Variants in JARID2 observed in about 807,000 individuals in gnomAD.
The protein encoded by JARID2 is protein Jumonji.
In JARID2, 21 loss-of-function variants were observed where a neutral mutation model predicts 125.6. The ratio of observed to expected loss-of-function variants is 0.17; its 90% CI spans 0.12 to 0.24. The LOEUF (loss-of-function observed/expected upper bound fraction) is 0.24. Among genes scored for constraint, JARID2 ranks in the 10% least tolerant of loss-of-function variants. JARID2 has a pLI of 1.00. For synonymous variants in JARID2, 736 were observed against 661.6 expected, an observed-to-expected ratio of 1.11 and a Z score of -1.73; for missense variants, 1,303 against 1,639.6, an observed-to-expected ratio of 0.79 and a Z score of 3.55.
chr6:15,327,114 G>T (rs192121216), intron 1 of JARID2, among the ~76,000 whole-genome samples: 26 of 152,256 alleles, frequency 1.7e-4, no homozygotes, highest in East Asian at 1.4e-3. Context: ...TTTGCTTTGG[G>T]ATCTTTTTTC....
At chr6:15,365,484 G>A (rs1279636638) in intron 1 of JARID2, among the ~76,000 whole-genome samples, 2 of 152,158 alleles carry the variant, frequency 1.3e-5, no homozygotes, top group Non-Finnish European at 2.9e-5. Context: ...ATGCTCAGAC[G>A]CAAAAGAGCT....
Position 15,512,377 on chromosome 6 carries a change from T to G in JARID2, c.3122T>G (p.Phe1041Cys), listed in dbSNP as rs747279162. The change falls in exon 14 of 18, where the codon TTT (phenylalanine) becomes TGT (cysteine). Residue 1041 changes from phenylalanine (F) to cysteine (C), a missense_variant. By Grantham distance (205) the Phe-to-Cys change is radical. Transcript: ENST00000341776. ...ACCACCCAGTGGACAAGTATGGGCTTTGAGACCGCCAAGGTGAGCAGAGCC... is the reference window on the plus strand; with the variant it reads ...ACCACCCAGTGGACAAGTATGGGCTGTGAGACCGCCAAGGTGAGCAGAGCC... ...FATTQWTSMG[F>C]ETAKEMKRRH... 1 of 1,614,150 alleles carries G rather than the reference T, an allele frequency of 6.2e-7. No homozygotes were observed.
chr6:15,272,205 C>T (rs1760324768), intron 1 of JARID2, among the ~76,000 whole-genome samples: 2 of 152,228 alleles, frequency 1.3e-5, no homozygotes, highest in Non-Finnish European at 2.9e-5. Flanking sequence ...CTTGAAAATG[C>T]ATCTTTTGGC....
At chr6:15,249,836 A>G (rs1759371778) in intron 1 of JARID2, among the ~76,000 whole-genome samples, 1 of 152,178 alleles carries the variant, frequency 6.6e-6, no homozygotes, top group African/African-American at 2.4e-5. Flanking sequence ...ATCCTGTCTT[A>G]ATTGTGTTGA....
intron 1 of JARID2, among the ~76,000 whole-genome samples, chr6:15,268,230 AAC>A (rs1321999313): frequency 3.3e-5 from 5 of 152,202 alleles, no homozygotes; most frequent in African/African-American, 7.2e-5. Flanking sequence ...GAGCTTTAAA[AAC>A]ACAGCCTAGA....
chr6:15,263,074 TTGTG>T (rs561238062), intron 1 of JARID2, among the ~76,000 whole-genome samples: 11,823 of 139,668 alleles, frequency 0.085, 515 homozygotes, highest in Middle Eastern at 0.12. Flanking sequence ...GGGTGTGTGT[TTGTG>T]TGTGTGTGTG....
Position 15,396,797 on chromosome 6 carries a change from G to A in JARID2, c.182-13427G>A, listed in dbSNP as rs1765236289. On this transcript the variant is annotated intron_variant, in intron 2 of 17. Transcript: ENST00000341776. ...TGGAAATCTAAAATCCGGATAAGGA[G>A]GGCTACAGTGTTGTCTTTTTTGATA... 2.6e-5 allele frequency among the ~76,000 whole-genome samples: 4 copies of A among 152,290 alleles called. No individual in the cohort carries two copies. The South Asian group carries it at 8.3e-4, about 32-fold the overall frequency.
At chr6:15,508,952 G>T in intron 12 of JARID2, 2 of 1,288,860 alleles carry the variant, frequency 1.6e-6, no homozygotes, top group Non-Finnish European at 2.0e-6. Flanking sequence ...TTTCATGATT[G>T]GTTATTTTCA....
At chr6:15,290,284 T>C (rs1761157091) in intron 1 of JARID2, among the ~76,000 whole-genome samples, 1 of 152,222 alleles carries the variant, frequency 6.6e-6, no homozygotes, top group African/African-American at 2.4e-5. Context: ...CCACAATTTA[T>C]TGATGTGCTG....
At chr6:15,511,201 G>A (rs1771262177) in intron 12 of JARID2, 95 bp from the exon 13 acceptor site, 2 of 739,146 alleles carry the variant, frequency 2.7e-6, no homozygotes, top group East Asian at 2.7e-5. Context: ...AGCCTCTCGT[G>A]TGCTCGGGTC....
chr6:15,338,476 C>G (rs1262628309), intron 1 of JARID2, among the ~76,000 whole-genome samples: 1 of 152,242 alleles, frequency 6.6e-6, no homozygotes, highest in Non-Finnish European at 1.5e-5. Flanking sequence ...TTTGGCAAAT[C>G]TGTAGACATT....
chr6:15,313,860 C>T (rs1762094387), intron 1 of JARID2, among the ~76,000 whole-genome samples: 1 of 152,138 alleles, frequency 6.6e-6, no homozygotes, highest in Non-Finnish European at 1.5e-5. Context: ...CAGATGATCC[C>T]TGCCTTGGGC....
intron 1 of JARID2, chr6:15,247,613 A>G: frequency 1.0e-6 from 1 of 985,016 alleles, no homozygotes; most frequent in Non-Finnish European, 1.2e-6. Context: ...TAAGTTGGGT[A>G]GACAAATTGG....
chr6:15,434,380 C>T (rs956068072), intron 3 of JARID2, among the ~76,000 whole-genome samples: 2 of 152,002 alleles, frequency 1.3e-5, no homozygotes, highest in African/African-American at 2.4e-5. Context: ...AGATAGATTA[C>T]GAGGAGCCAG....
intron 2 of JARID2, among the ~76,000 whole-genome samples, chr6:15,406,399 G>A (rs1322978616): frequency 6.6e-6 from 1 of 152,284 alleles, no homozygotes; most frequent in East Asian, 1.9e-4. Context: ...GTGCCACTGC[G>A]CTCCAGCCTC....
intron 1 of JARID2, among the ~76,000 whole-genome samples, chr6:15,267,529 T>C (rs1760133081): frequency 6.6e-6 from 1 of 152,220 alleles, no homozygotes; most frequent in South Asian, 2.1e-4. Flanking sequence ...TATAGTAACA[T>C]GTAGACAGAC....
chr6:15,519,077 G>A (rs1259118062), intron 17 of JARID2, among the ~76,000 whole-genome samples: 1 of 152,228 alleles, frequency 6.6e-6, no homozygotes, highest in Non-Finnish European at 1.5e-5. Context: ...GCCGAGCCTA[G>A]TGTGAGAGCA....
chr6:15,406,122 C>T (rs1765639048), intron 2 of JARID2, among the ~76,000 whole-genome samples: 1 of 152,176 alleles, frequency 6.6e-6, no homozygotes, highest in Non-Finnish European at 1.5e-5. Context: ...CAGTCTTGCG[C>T]CTTCGTAAGG....
chr6:15,508,923 C>G (rs771000066), intron 12 of JARID2: 12 of 1,279,286 alleles, frequency 9.4e-6, no homozygotes, highest in Non-Finnish European at 1.2e-5. Flanking sequence ...CCTCTAGTAA[C>G]TGAATATAAA....
Sources: gnomAD v4.1 joint callset for allele counts (sites outside exome capture counted in the v4.1 genomes callset) on GRCh38, gnomAD v4.1.1 for gene constraint, MANE v1.5 for transcripts, NCBI Gene and HGNC (gene_info 2026-07-23, HGNC 2026-07-21) for gene names.